The following TAX1BP1 variants were observed in gnomAD, a reference collection of about 807,000 sequenced individuals.
The protein encoded by TAX1BP1 is tax1-binding protein 1.
In TAX1BP1, 62 loss-of-function variants were observed where a neutral mutation model predicts 97.7. The ratio of observed to expected loss-of-function variants is 0.63; its 90% CI spans 0.52 to 0.78. The LOEUF (loss-of-function observed/expected upper bound fraction) is 0.78. Among genes scored for constraint, TAX1BP1 ranks in the 30% least tolerant of loss-of-function variants. TAX1BP1 has a pLI of 0.00. For synonymous variants in TAX1BP1, 340 were observed against 304.2 expected (o/e 1.12, Z -1.23); for missense variants, 867 against 916.1 (o/e 0.95, Z 0.69).
intron 5 of TAX1BP1, among the ~76,000 whole-genome samples, chr7:27,770,567 C>G (rs1432411729): frequency 6.6e-6 from 1 of 152,026 alleles, no homozygotes; most frequent in African/African-American, 2.4e-5. Context: ...CAGTATTGAG[C>G]TATTGTTTCC....
intron 4 of TAX1BP1, among the ~76,000 whole-genome samples, chr7:27,768,243 A>G (rs531926240): frequency 1.3e-5 from 2 of 152,136 alleles, no homozygotes; most frequent in Admixed American, 1.3e-4. Context: ...AGGATACATA[A>G]ACTTAGGTAT....
At chr7:27,751,248 A>G (rs1788010203) in intron 2 of TAX1BP1, among the ~76,000 whole-genome samples, 1 of 152,224 alleles carries the variant, frequency 6.6e-6, no homozygotes, top group South Asian at 2.1e-4. Context: ...ATAAAACTTT[A>G]AAACTCAATA....
intron 2 of TAX1BP1, among the ~76,000 whole-genome samples, chr7:27,756,195 A>G (rs1406152316): frequency 1.3e-5 from 2 of 151,916 alleles, no homozygotes; most frequent in East Asian, 1.9e-4. Flanking sequence ...AGTATTATCC[A>G]CTCTAGCATA....
At chr7:27,801,653 A>G (rs56995723) in intron 13 of TAX1BP1, among the ~76,000 whole-genome samples, 3,522 of 152,332 alleles carry the variant, frequency 0.023, 69 homozygotes, top group East Asian at 0.082. Context: ...GGTAGTATGC[A>G]CAAAATTTTC....
In TAX1BP1 at chr7:27,829,588, A is replaced by G. The variant is rs1255534861; in HGVS notation, c.*759A>G. ...TTGTGGCATAAAAATCATAGAATAT[A>G]TATCAGTATCTTTTTTACATTTTCC... is the stretch of plus-strand genomic sequence containing the variant. On this transcript the variant is annotated 3_prime_UTR_variant, in exon 17 of 17. Transcript: ENST00000396319. 1 of 152,178 alleles carries G rather than the reference A, an allele frequency of 6.6e-6. No homozygotes were observed. Among genetic ancestry groups the G allele is most frequent in the Non-Finnish European group, 1.5e-5 (1 of 68,028 alleles). 9.4% of individuals were successfully genotyped at this position (152,178 alleles called of 1,614,324 possible).
intron 2 of TAX1BP1, among the ~76,000 whole-genome samples, chr7:27,749,648 G>T (rs1787952216): frequency 6.6e-6 from 1 of 152,134 alleles, no homozygotes; most frequent in African/African-American, 2.4e-5. Flanking sequence ...TCCTTTCTTT[G>T]AATTCCTCAT....
At chr7:27,798,771 G>A (rs1251908835) in intron 12 of TAX1BP1, among the ~76,000 whole-genome samples, 1 of 151,146 alleles carries the variant, frequency 6.6e-6, no homozygotes, top group Non-Finnish European at 1.5e-5. Flanking sequence ...TGGTTTTAAT[G>A]TGCATTTGTA....
chr7:27,793,048 ATGTT>A lies in TAX1BP1; in HGVS notation c.1264-12_1264-9del, dbSNP rs1412479669. On this transcript the variant is annotated splice_polypyrimidine_tract_variant and intron_variant, in intron 9 of 16. Transcript: ENST00000396319. The stretch of plus-strand genomic sequence containing the variant: ...ATCAGATTTTTATTTTTTTCTTCAA[ATGTT>A]TGTTTCTTTCTAGGACAAGACTGAT... The A allele has an allele frequency of 3.8e-6, 6 of 1,571,062 alleles. No homozygotes were observed. The highest frequency in any genetic ancestry group is 5.1e-6 in the Non-Finnish European group (6 of 1,168,486).
At chr7:27,749,280 G>A (rs1037056908) in intron 2 of TAX1BP1, among the ~76,000 whole-genome samples, 3 of 152,174 alleles carry the variant, frequency 2.0e-5, no homozygotes, top group Non-Finnish European at 4.4e-5. Flanking sequence ...ACACCTCACT[G>A]TGCAGGACTT....
chr7:27,828,411 A>C (rs1737002339), intron 16 of TAX1BP1, among the ~76,000 whole-genome samples: 4 of 152,172 alleles, frequency 2.6e-5, no homozygotes. Context: ...TTGTTAATCT[A>C]ATTGTAAAAT....
chr7:27,795,678 G>A (rs1020841649), intron 11 of TAX1BP1, among the ~76,000 whole-genome samples: 14 of 152,066 alleles, frequency 9.2e-5, no homozygotes, highest in African/African-American at 2.7e-4. Context: ...TCAGCCTCCT[G>A]AGTAGCTGGG....
intron 13 of TAX1BP1, among the ~76,000 whole-genome samples, chr7:27,804,312 A>C (rs1303623520): frequency 6.6e-6 from 1 of 152,238 alleles, no homozygotes; most frequent in Non-Finnish European, 1.5e-5. Flanking sequence ...TTACTGTGAT[A>C]GTTGTGAAAT....
At chr7:27,797,393 A>C (rs1056749924) in intron 12 of TAX1BP1, among the ~76,000 whole-genome samples, 1 of 152,060 alleles carries the variant, frequency 6.6e-6, no homozygotes, top group Non-Finnish European at 1.5e-5. Context: ...GAAAAGGGAA[A>C]ATGCTTCTCA....
intron 5 of TAX1BP1, among the ~76,000 whole-genome samples, chr7:27,774,740 T>C (rs1163747481): frequency 6.6e-6 from 1 of 152,174 alleles, no homozygotes; most frequent in Non-Finnish European, 1.5e-5. Flanking sequence ...TTCTGTGGCC[T>C]TCCAGTTCTT....
chr7:27,779,245 C>T (rs947155420), intron 5 of TAX1BP1, among the ~76,000 whole-genome samples: 3 of 152,186 alleles, frequency 2.0e-5, no homozygotes, highest in African/African-American at 7.2e-5. Context: ...TCACCCCAGC[C>T]TCTCAAGTAA....
rs1789535651 is a variant in TAX1BP1, at chr7:27,787,575, G to T, written c.1010G>T (p.Arg337Ile). Residue 337 changes from arginine to isoleucine, a missense_variant, in exon 8 of 17, where the codon AGA becomes ATA. By Grantham distance (97) the Arg-to-Ile change is moderately conservative. Coordinates refer to ENST00000396319, the MANE Select transcript of TAX1BP1 (RefSeq NM_006024.7). ...TTGGCTGAAAAGGAAAATCTGCAAA[G>T]AACTTTCCTGCTTACAACCTCAAGT... ...LCLAEKENLQ[R>I]TFLLTTSSKE... 6.2e-7 allele frequency: 1 copy of T among 1,611,010 alleles called. No homozygotes were observed. The highest frequency in any genetic ancestry group is 8.5e-7 in the Non-Finnish European group (1 of 1,178,760).
intron 4 of TAX1BP1, among the ~76,000 whole-genome samples, chr7:27,767,235 T>C (rs1449329582): frequency 6.6e-6 from 1 of 152,174 alleles, no homozygotes. Flanking sequence ...ATTGGTTCAG[T>C]ATACATTTTT....
intron 16 of TAX1BP1, 71 bp downstream of exon 16, chr7:27,827,891 A>T (rs925817687): frequency 7.8e-6 from 11 of 1,403,546 alleles, no homozygotes; most frequent in African/African-American, 4.3e-5. Flanking sequence ...GTCCTTGGGA[A>T]CTCATTAGAA....
chr7:27,760,745 A>G (rs1355631003), intron 3 of TAX1BP1, among the ~76,000 whole-genome samples: 1 of 152,158 alleles, frequency 6.6e-6, no homozygotes. Flanking sequence ...TTTTTGTTAT[A>G]GTCGCTAAGA....
Sources: allele counts gnomAD v4.1 joint callset (sites outside exome capture counted in the v4.1 genomes callset), GRCh38; gene constraint gnomAD v4.1.1; transcripts MANE v1.5; gene names NCBI Gene and HGNC (gene_info 2026-07-23, HGNC 2026-07-21).